SARS1: variants seen among roughly 807,000 people sequenced by gnomAD.
SARS1 encodes seryl-tRNA synthetase 1, also known as serine--tRNA ligase, cytoplasmic.
In SARS1, 25 loss-of-function variants were observed where a neutral mutation model predicts 63.7. The observed-to-expected ratio is 0.39, with a 90% CI of 0.29 to 0.55. SARS1 has a LOEUF of 0.55. SARS1 is among the 20% of genes least tolerant of loss of function. The probability of loss-of-function intolerance (pLI) is 0.62; values close to 1 mark genes in which losing one functional copy is unlikely to be tolerated. For missense variants in SARS1, 417 were observed against 649.7 expected, an observed-to-expected ratio of 0.64 and a Z score of 3.89; for synonymous variants, 231 against 243.5, an observed-to-expected ratio of 0.95 and a Z score of 0.48.
chr1:109,218,101 G>A (rs1654833545), intron 1 of SARS1, among the ~76,000 whole-genome samples: 1 of 151,180 alleles, frequency 6.6e-6, no homozygotes, highest in Non-Finnish European at 1.5e-5. Flanking sequence ...GCTGAGGCAG[G>A]AGAATGGCGT....
chr1:109,216,069 C>G (rs1654779056), intron 1 of SARS1: 6 of 985,238 alleles, frequency 6.1e-6, no homozygotes, highest in Non-Finnish European at 7.2e-6. Flanking sequence ...TTCCAATATT[C>G]TCTTTGCATC....
At chr1:109,215,921 C>G (rs58729718) in intron 1 of SARS1, 244 of 550,874 alleles carry the variant, frequency 4.4e-4, no homozygotes, top group African/African-American at 3.8e-3. Context: ...CCAGGCTGGT[C>G]TCTAACTCCT....
Position 109,230,866 on chromosome 1 carries a change from C to G in SARS1, c.448-12C>G, listed in dbSNP as rs769871875. On this transcript the variant is annotated splice_polypyrimidine_tract_variant and intron_variant, in intron 4 of 10. Coordinates refer to ENST00000234677, the MANE Select transcript of SARS1 (RefSeq NM_006513.4). ...ATGTCTTGTATGTCTCTTTCTTGCT[C>G]TGTTTCCTTAGGATGTGGACAACAA... The G allele has an allele frequency of 4.4e-6, 7 of 1,594,984 alleles. No individual in the cohort carries two copies. The South Asian group carries it at 5.6e-5, about 13-fold the overall frequency.
intron 6 of SARS1, among the ~76,000 whole-genome samples, chr1:109,233,317 A>C (rs1237003751): frequency 6.6e-6 from 1 of 152,016 alleles, no homozygotes; most frequent in South Asian, 2.1e-4. Context: ...AGCCCAATTT[A>C]ATTTAAATAG....
At chr1:109,216,821 T>G (rs1654799936) in intron 1 of SARS1, 1 of 624,216 alleles carries the variant, frequency 1.6e-6, no homozygotes, top group Non-Finnish European at 2.0e-6. Context: ...TGGAGTTTCG[T>G]CATGTTGCCT....
At chr1:109,234,136 C>T (rs539788059) in intron 6 of SARS1, among the ~76,000 whole-genome samples, 19 of 151,804 alleles carry the variant, frequency 1.3e-4, no homozygotes, top group South Asian at 6.2e-4. Flanking sequence ...GCCTTGGCCT[C>T]CCAAAGTGCT....
intron 1 of SARS1, chr1:109,216,929 T>G: frequency 2.0e-6 from 2 of 985,432 alleles, no homozygotes; most frequent in Non-Finnish European, 2.4e-6. Flanking sequence ...AGGCTAAAGC[T>G]GTTATTTCCT....
At chr1:109,223,182 A>G (rs761784796) in intron 1 of SARS1, among the ~76,000 whole-genome samples, 3 of 152,224 alleles carry the variant, frequency 2.0e-5, no homozygotes, top group Non-Finnish European at 2.9e-5. Context: ...AAAGGAAACC[A>G]AATTATAAGA....
intron 4 of SARS1, among the ~76,000 whole-genome samples, chr1:109,230,138 C>T (rs892300623): frequency 1.3e-5 from 2 of 151,800 alleles, no homozygotes; most frequent in South Asian, 2.1e-4. Flanking sequence ...GCCCTGAGTC[C>T]GCCCTCATGT....
intron 6 of SARS1, among the ~76,000 whole-genome samples, chr1:109,234,555 A>G (rs1655272589): frequency 6.6e-6 from 1 of 152,218 alleles, no homozygotes; most frequent in Non-Finnish European, 1.5e-5. Flanking sequence ...TTTTTGCTCC[A>G]CATTGGTGTT....
In SARS1 at chr1:109,235,965, C is replaced by T; in HGVS notation, c.970-12C>T. On this transcript the variant is annotated splice_polypyrimidine_tract_variant and intron_variant, in intron 7 of 10. Transcript: ENST00000234677. This position sits in a 1 kb window ranked among gnomAD's most constrained non-coding sequence, Gnocchi z 4.7. ...TACCGCTGTCACCGTTTCCTTGGGT[C>T]CCTCTCTGCAGATTGAACAGTTTGT... is the stretch of plus-strand genomic sequence containing the variant. 4 of 1,596,480 alleles carry T rather than the reference C, an allele frequency of 2.5e-6. No individual in the cohort carries two copies. The highest frequency in any genetic ancestry group is 3.4e-6 in the Non-Finnish European group (4 of 1,173,196).
At chr1:109,218,645 C>A (rs1387556236) in intron 1 of SARS1, among the ~76,000 whole-genome samples, 1 of 152,112 alleles carries the variant, frequency 6.6e-6, no homozygotes, top group Non-Finnish European at 1.5e-5. Flanking sequence ...ATAGGGCCTC[C>A]CGCTCTTTGC....
chr1:109,221,970 GTATATATATATATATATATA>G lies in SARS1; in HGVS notation c.137-1986_137-1967del, dbSNP rs773937466. 6.5e-3 allele frequency among the ~76,000 whole-genome samples: 183 copies of G among 28,066 alleles called. 19 individuals are homozygous for G. The highest frequency in any genetic ancestry group is 0.024 in the African/African-American group (164 of 6,922). The allele number at this position is 28,066 out of a possible 152,430, so 18.4% of individuals were successfully genotyped here. A position where few individuals can be genotyped will look rare whatever the true frequency, so the allele number is the denominator to read the frequency against. On this transcript the variant is annotated intron_variant, in intron 1 of 10. Transcript: ENST00000234677. The stretch of plus-strand genomic sequence containing the variant: ...GCTCAGCTAATTTTTTTGTGTGTGT[GTATATATATATATATATATA>G]TATATATATATATATATATATTTTT...
chr1:109,215,850 G>A (rs1261245933), intron 1 of SARS1: 2 of 308,196 alleles, frequency 6.5e-6, no homozygotes, highest in South Asian at 2.6e-4. Flanking sequence ...GACTACAGGT[G>A]TGCACCACCA....
At chr1:109,236,707 T>G (rs1013953373) in intron 9 of SARS1, 159 bp downstream of exon 9, 1 of 1,507,678 alleles carries the variant, frequency 6.6e-7, no homozygotes, top group East Asian at 2.4e-5. Flanking sequence ...TTCTACTGAG[T>G]CAGGACTGAG....
intron 2 of SARS1, among the ~76,000 whole-genome samples, chr1:109,227,515 G>A (rs1243721188): frequency 6.6e-6 from 1 of 152,068 alleles, no homozygotes; most frequent in African/African-American, 2.4e-5. Context: ...CTTTTTGTTT[G>A]TTTGTTTTCC....
Position 109,214,846 on chromosome 1 carries a change from C to T in SARS1, c.136+718C>T. The T allele has an allele frequency of 1.0e-6, 1 of 985,444 alleles. No homozygotes were observed. The highest frequency in any genetic ancestry group is 6.1e-5 in the Admixed American group (1 of 16,286). The allele number at this position is 985,444 out of a possible 1,614,324, so 61.0% of individuals were successfully genotyped here. A position where few individuals can be genotyped will look rare whatever the true frequency, so the allele number is the denominator to read the frequency against. ...AGACATTGGCAGAGTTGGGCTAGAA[C>T]CTGGAACTGCCGGATCTTGGAGTCA... On this transcript the variant is annotated intron_variant, in intron 1 of 10. Coordinates refer to ENST00000234677, the MANE Select transcript of SARS1 (RefSeq NM_006513.4). This position sits in a 1 kb window ranked among gnomAD's most constrained non-coding sequence, Gnocchi z 4.6.
Position 109,214,293 on chromosome 1 carries a change from C to T in SARS1, c.136+165C>T, listed in dbSNP as rs1331859033. The stretch of plus-strand genomic sequence containing the variant: ...CATCCCCGAAAACACAGCCTGGTCG[C>T]CGGGGTCATCCCACTTTCTCCTCCA... On this transcript the variant is annotated intron_variant, in intron 1 of 10. Coordinates refer to ENST00000234677, the MANE Select transcript of SARS1 (RefSeq NM_006513.4). The surrounding 1 kb of genome is among the most constrained non-coding windows in gnomAD (Gnocchi z 4.6). 6.6e-6 allele frequency among the ~76,000 whole-genome samples: 1 copy of T among 152,238 alleles called. No individual in the cohort carries two copies. The highest frequency in any genetic ancestry group is 6.5e-5 in the Admixed American group (1 of 15,290).
At position 109,237,483 on chromosome 1, in the gene SARS1, T is replaced by C. The variant is rs892496472; in HGVS notation, c.1387+110T>C. The C allele has an allele frequency of 2.1e-5, 32 of 1,494,914 alleles. No homozygotes were observed. The South Asian group carries it at 2.5e-4, about 12-fold the overall frequency. The allele number at this position is 1,494,914 out of a possible 1,614,324, so 92.6% of individuals were successfully genotyped here. ...GGTTTTTTTGTTCAGACACAGCCCC[T>C]GAAACTCTGTCTGCCCTCTCGGGCT... On this transcript the variant is annotated intron_variant, in intron 10 of 10. Transcript: ENST00000234677. This position sits in a 1 kb window ranked among gnomAD's most constrained non-coding sequence, Gnocchi z 4.1.
Sources: allele counts gnomAD v4.1 joint callset (sites outside exome capture counted in the v4.1 genomes callset), GRCh38; gene constraint gnomAD v4.1.1; non-coding constraint Gnocchi (gnomAD v3.1); transcripts MANE v1.5; gene names NCBI Gene and HGNC (gene_info 2026-07-23, HGNC 2026-07-21).